LRP2: variants seen among roughly 807,000 people sequenced by gnomAD.
LRP2 encodes low-density lipoprotein receptor-related protein 2.
LRP2 carries 172 observed loss-of-function variants against 531.0 expected under a neutral mutation model. That is an observed-to-expected ratio of 0.32 (90% CI 0.29 to 0.37). The LOEUF is 0.37. LRP2 is among the 10% of genes least tolerant of loss of function. The pLI, the probability that LRP2 is intolerant of heterozygous loss-of-function variation, is 1.00. For synonymous variants in LRP2, 1,992 were observed against 2,027.6 expected, an observed-to-expected ratio of 0.98 and a Z score of 0.47; for missense variants, 5,167 against 5,868.3, an observed-to-expected ratio of 0.88 and a Z score of 3.90.
At chr2:169,351,852 T>C (rs920860466) in intron 1 of LRP2, among the ~76,000 whole-genome samples, 2 of 152,064 alleles carry the variant, frequency 1.3e-5, no homozygotes, top group Non-Finnish European at 2.9e-5. Flanking sequence ...CAGAGCCAGA[T>C]AAAGGGGCCA....
chr2:169,143,652 A>C (rs1200240246), intron 70 of LRP2, among the ~76,000 whole-genome samples: 3 of 152,204 alleles, frequency 2.0e-5, no homozygotes, highest in Non-Finnish European at 4.4e-5. Flanking sequence ...TCTCAAAAAC[A>C]AAAAACAAAC....
At chr2:169,182,561 G>C (rs1687480346) in intron 50 of LRP2, 10 of 1,379,244 alleles carry the variant, frequency 7.3e-6, no homozygotes, top group Non-Finnish European at 9.4e-6. Context: ...AAAATACGGG[G>C]GACACACTTC....
intron 9 of LRP2, among the ~76,000 whole-genome samples, chr2:169,284,256 C>CTTTTTTTTTTTTTTTTTTTT (rs1216987363): frequency 5.7e-4 from 55 of 96,632 alleles, no homozygotes; most frequent in South Asian, 7.3e-4. Context: ...TCTTTTTTTT[C>CTTTTTTTTTTTTTTTTTTTT]TTTTTTTTTT....
At chr2:169,294,473 G>T (rs1684084081) in intron 5 of LRP2, 127 bp downstream of exon 5, 1 of 799,086 alleles carries the variant, frequency 1.3e-6, no homozygotes, top group Non-Finnish European at 2.2e-6. Flanking sequence ...CCTACCAACG[G>T]CTGACTTCAA....
chr2:169,348,725 C>T (rs542429626), intron 1 of LRP2, among the ~76,000 whole-genome samples: 1 of 152,154 alleles, frequency 6.6e-6, no homozygotes, highest in African/African-American at 2.4e-5. Context: ...ACAGGGTAAC[C>T]AAGTATCTGG....
intron 3 of LRP2, among the ~76,000 whole-genome samples, chr2:169,317,830 C>A (rs10221870): frequency 0.32 from 48,090 of 152,002 alleles, 7,912 homozygotes; most frequent in African/African-American, 0.42. Context: ...ATAATCCCAA[C>A]ATTTTGGGAG....
intron 17 of LRP2, among the ~76,000 whole-genome samples, chr2:169,258,302 G>T (rs1559042895): frequency 6.6e-6 from 1 of 151,928 alleles, no homozygotes; most frequent in Non-Finnish European, 1.5e-5. Flanking sequence ...CTCTAAAATG[G>T]GTATTTACAC....
chr2:169,293,965 C>T (rs963572769), intron 6 of LRP2, among the ~76,000 whole-genome samples, 183 bp downstream of exon 6: 1 of 152,104 alleles, frequency 6.6e-6, no homozygotes, highest in Admixed American at 6.5e-5. Flanking sequence ...TCGAGCAACA[C>T]CACAAAGGCT....
chr2:169,176,866 G>A (rs1316566473), intron 53 of LRP2, among the ~76,000 whole-genome samples: 1 of 152,170 alleles, frequency 6.6e-6, no homozygotes, highest in Non-Finnish European at 1.5e-5. Context: ...CAAGTCCTGG[G>A]AAAGCAGGCA....
chr2:169,198,877 A>G lies in LRP2; in HGVS notation c.8487T>C (p.Cys2829=). The G allele has an allele frequency of 6.2e-7, 1 of 1,613,920 alleles. No individual in the cohort carries two copies. ...DRTCQSGYTK[C]HNSNICIPRV... The stretch of plus-strand genomic sequence containing the variant: ...GAGGAATACAAATATTTGAATTATG[A>G]CATTTTGTGTATCCAGACTGGCAAG... Residue 2829 remains cysteine, a synonymous_variant, in exon 45 of 79, where the codon TGT becomes TGC. Transcript: ENST00000649046.
At chr2:169,279,230 C>G in intron 12 of LRP2, 142 bp downstream of exon 12, 3 of 681,300 alleles carry the variant, frequency 4.4e-6, no homozygotes, top group Non-Finnish European at 7.8e-6. Context: ...TAAATAAGGG[C>G]ACAAAATAGA....
chr2:169,241,711 TGAAA>T (rs1409165216), intron 24 of LRP2, among the ~76,000 whole-genome samples: 1 of 152,236 alleles, frequency 6.6e-6, no homozygotes, highest in Admixed American at 6.5e-5. Flanking sequence ...TATCTTTCTA[TGAAA>T]GAATCACCAG....
At chr2:169,237,532 T>C (rs1168356227) in intron 27 of LRP2, among the ~76,000 whole-genome samples, 1 of 152,248 alleles carries the variant, frequency 6.6e-6, no homozygotes, top group Non-Finnish European at 1.5e-5. Flanking sequence ...GTGCATAGTT[T>C]CGTTTTGGTT....
chr2:169,189,367 G>A (rs80281376), intron 48 of LRP2, among the ~76,000 whole-genome samples: 3,283 of 152,290 alleles, frequency 0.022, 45 homozygotes, highest in Non-Finnish European at 0.031. Context: ...ATGTAATTGT[G>A]AAGAAAGCTG....
At chr2:169,203,751 C>A (rs374266756) in intron 42 of LRP2, among the ~76,000 whole-genome samples, 1 of 152,000 alleles carries the variant, frequency 6.6e-6, no homozygotes, top group East Asian at 1.9e-4. Context: ...AGTGAGACTC[C>A]GTCTCAAAAA....
chr2:169,244,419 C>T (rs1381058772), intron 22 of LRP2, among the ~76,000 whole-genome samples: 1 of 152,116 alleles, frequency 6.6e-6, no homozygotes, highest in Non-Finnish European at 1.5e-5. Flanking sequence ...TTCACTTTTT[C>T]AATTCCTATC....
intron 4 of LRP2, among the ~76,000 whole-genome samples, chr2:169,295,479 A>G (rs1684111604): frequency 6.6e-6 from 1 of 152,236 alleles, no homozygotes; most frequent in African/African-American, 2.4e-5. Flanking sequence ...AGTCCCTTAC[A>G]GGAATAACGT....
intron 35 of LRP2, among the ~76,000 whole-genome samples, chr2:169,215,101 C>T (rs1021488851): frequency 6.6e-6 from 1 of 152,224 alleles, no homozygotes; most frequent in Non-Finnish European, 1.5e-5. Context: ...TGCACACATG[C>T]ACCCAACTCT....
At position 169,163,871 on chromosome 2, in the gene LRP2, G is replaced by T. The variant is rs79238534; in HGVS notation, c.11759-1271C>A. Among the ~76,000 whole-genome samples, 148 of 152,282 alleles carry T rather than the reference G, an allele frequency of 9.7e-4. 1 individual carries two copies. The highest frequency in any genetic ancestry group is 1.8e-3 in the Non-Finnish European group (124 of 68,020). ...CAAGAAAAAACTCTCAAAGGGTAGA[G>T]TCAGAAACAGTGAGAGACATTTTAA... On this transcript the variant is annotated intron_variant, in intron 62 of 78. Coordinates refer to ENST00000649046, the MANE Select transcript of LRP2 (RefSeq NM_004525.3).
Sources: allele counts gnomAD v4.1 joint callset (sites outside exome capture counted in the v4.1 genomes callset), GRCh38; gene constraint gnomAD v4.1.1; transcripts MANE v1.5; gene names NCBI Gene and HGNC (gene_info 2026-07-23, HGNC 2026-07-21).